DNAJC5B: variants seen among roughly 807,000 people sequenced by gnomAD.
The protein encoded by DNAJC5B is DnaJ heat shock protein family (Hsp40) member C5 beta, also known as dnaJ homolog subfamily C member 5B.
A neutral mutation model predicts 24.7 loss-of-function variants in DNAJC5B; 23 were observed. The observed-to-expected ratio is 0.93, with a 90% CI of 0.67 to 1.32. The LOEUF (loss-of-function observed/expected upper bound fraction) is 1.32. Among genes scored for constraint, DNAJC5B ranks in the 40% most tolerant of loss-of-function variants. DNAJC5B has a pLI of 0.00. For missense variants in DNAJC5B, 238 were observed against 240.8 expected (o/e 0.99, Z 0.08); for synonymous variants, 101 against 90.1 (o/e 1.12, Z -0.68).
At chr8:66,084,245 A>G (rs1417261035) in intron 5 of DNAJC5B, among the ~76,000 whole-genome samples, 1 of 152,196 alleles carries the variant, frequency 6.6e-6, no homozygotes, top group Non-Finnish European at 1.5e-5. Context: ...CTGCAAAAGA[A>G]GGGGACTCAC....
At chr8:66,022,702 A>C (rs1806164665) in intron 1 of DNAJC5B, among the ~76,000 whole-genome samples, 1 of 152,156 alleles carries the variant, frequency 6.6e-6, no homozygotes, top group African/African-American at 2.4e-5. Flanking sequence ...ATACTCTCAC[A>C]CTCTATGAAA....
intron 5 of DNAJC5B, among the ~76,000 whole-genome samples, chr8:66,094,191 A>G (rs1807904285): frequency 6.6e-6 from 1 of 152,076 alleles, no homozygotes; most frequent in African/African-American, 2.4e-5. Flanking sequence ...GGTTTTTGTC[A>G]AGTTATTTAA....
chr8:66,090,289 G>A (rs928657561), intron 5 of DNAJC5B, among the ~76,000 whole-genome samples: 1 of 150,894 alleles, frequency 6.6e-6, no homozygotes, highest in African/African-American at 2.4e-5. Flanking sequence ...GTGGTAGAGA[G>A]AGAGAGAGAG....
rs1230719860 is a variant in DNAJC5B at position 66,029,935 on chromosome 8, G to A, written c.-142+8230G>A. On this transcript the variant is annotated intron_variant, in intron 1 of 5. Transcript: ENST00000276570. ...GAGAAGACACTTCCAGTTGATATGG[G>A]GCCTGGATCTCATTCATTTGTTACA... 2.6e-5 allele frequency among the ~76,000 whole-genome samples: 4 copies of A among 152,188 alleles called. No homozygotes were observed. The South Asian group carries it at 8.3e-4, about 32-fold the overall frequency.
intron 3 of DNAJC5B, among the ~76,000 whole-genome samples, chr8:66,059,379 T>C (rs1428897607): frequency 6.6e-6 from 1 of 152,246 alleles, no homozygotes; most frequent in African/African-American, 2.4e-5. Flanking sequence ...CCATCATTCA[T>C]ACATTTGCCT....
At chr8:66,076,936 G>A in intron 4 of DNAJC5B, 63 bp downstream of exon 4, 2 of 1,570,564 alleles carry the variant, frequency 1.3e-6, no homozygotes, top group Non-Finnish European at 1.7e-6. Flanking sequence ...CACTCTTTTA[G>A]ATTCCATCTC....
At chr8:66,063,846 C>T (rs1451094902) in intron 3 of DNAJC5B, among the ~76,000 whole-genome samples, 3 of 152,144 alleles carry the variant, frequency 2.0e-5, no homozygotes, top group Admixed American at 6.5e-5. Context: ...TGTACTCTCC[C>T]TTGTTTTGCT....
In DNAJC5B at chr8:66,052,919, T is replaced by C. The variant is rs564995204; in HGVS notation, c.119+1253T>C. Among the ~76,000 whole-genome samples, 3 of 152,086 alleles carry C rather than the reference T, an allele frequency of 2.0e-5. No homozygotes were observed. In the South Asian group the frequency reaches 6.2e-4, roughly 32 times the overall value. ...CTTTCCAAGAGAGTGCTTGTTTGTTTGCTTGTTTGTTTAGAGTTAGGGCCT... is the reference window on the plus strand; with the variant it reads ...CTTTCCAAGAGAGTGCTTGTTTGTTCGCTTGTTTGTTTAGAGTTAGGGCCT... On this transcript the variant is annotated intron_variant, in intron 3 of 5. Transcript: ENST00000276570.
upstream of DNAJC5B, among the ~76,000 whole-genome samples, chr8:66,017,708 G>A (rs949036257): frequency 2.0e-5 from 3 of 152,130 alleles, no homozygotes; most frequent in African/African-American, 7.2e-5. Context: ...TTTCCAGTGG[G>A]TCACTGAAAT....
At chr8:66,083,718 G>A (rs894813476) in intron 5 of DNAJC5B, among the ~76,000 whole-genome samples, 5 of 152,134 alleles carry the variant, frequency 3.3e-5, no homozygotes, top group Admixed American at 6.5e-5. Context: ...TTCTACACTC[G>A]TGGGGCTACA....
chr8:66,089,057 G>C (rs1048130259), intron 5 of DNAJC5B, among the ~76,000 whole-genome samples: 2 of 152,166 alleles, frequency 1.3e-5, no homozygotes, highest in Non-Finnish European at 2.9e-5. Context: ...GATACCACCT[G>C]AGACTGGGTA....
At chr8:66,090,205 G>A (rs901860748) in intron 5 of DNAJC5B, among the ~76,000 whole-genome samples, 1 of 151,228 alleles carries the variant, frequency 6.6e-6, no homozygotes, top group Non-Finnish European at 1.5e-5. Context: ...AGAGAGCCTT[G>A]TTTCATGGGA....
chr8:66,088,280 A>C (rs1807772470), intron 5 of DNAJC5B, among the ~76,000 whole-genome samples: 1 of 152,172 alleles, frequency 6.6e-6, no homozygotes. Flanking sequence ...GCAGGGCACC[A>C]AGTCTTGAAG....
At chr8:66,060,269 C>G (rs1249424752) in intron 3 of DNAJC5B, among the ~76,000 whole-genome samples, 3 of 152,198 alleles carry the variant, frequency 2.0e-5, no homozygotes, top group Non-Finnish European at 4.4e-5. Context: ...TGGCTCTTTC[C>G]TAAGATGCAT....
intron 1 of DNAJC5B, among the ~76,000 whole-genome samples, chr8:66,042,979 T>C (rs73243209): frequency 0.013 from 1,980 of 152,142 alleles, 38 homozygotes; most frequent in African/African-American, 0.045. Context: ...TTTTAGTCTG[T>C]AGGATCTTAC....
intron 2 of DNAJC5B, among the ~76,000 whole-genome samples, chr8:66,045,462 T>A (rs754051101): frequency 2.6e-5 from 4 of 152,230 alleles, no homozygotes; most frequent in Non-Finnish European, 5.9e-5. Flanking sequence ...AATTTTTAAA[T>A]GAAGTGATGA....
upstream of DNAJC5B, among the ~76,000 whole-genome samples, chr8:66,017,068 C>T (rs1805973620): frequency 6.6e-6 from 1 of 151,916 alleles, no homozygotes; most frequent in East Asian, 1.9e-4. Flanking sequence ...AGAAGAGCCA[C>T]ATAGAAAGGG....
At chr8:66,022,672 A>G (rs1386896357) in intron 1 of DNAJC5B, among the ~76,000 whole-genome samples, 1 of 152,228 alleles carries the variant, frequency 6.6e-6, no homozygotes, top group African/African-American at 2.4e-5. Flanking sequence ...ACGAATAAAT[A>G]TATCACAGCA....
At chr8:66,060,709 A>G (rs1807062036) in intron 3 of DNAJC5B, among the ~76,000 whole-genome samples, 2 of 152,216 alleles carry the variant, frequency 1.3e-5, no homozygotes, top group Admixed American at 1.3e-4. Context: ...CTACCTAATG[A>G]TAGCAGAAGC....
Sources: allele counts gnomAD v4.1 joint callset (sites outside exome capture counted in the v4.1 genomes callset), GRCh38; gene constraint gnomAD v4.1.1; transcripts MANE v1.5; gene names NCBI Gene and HGNC (gene_info 2026-07-23, HGNC 2026-07-21).